Variants in LINGO2 observed in about 807,000 individuals in gnomAD.
LINGO2 encodes the protein leucine rich repeat and Ig domain containing 2.
In LINGO2, 14 loss-of-function variants were observed where a neutral mutation model predicts 30.6. The ratio of observed to expected loss-of-function variants is 0.46; its 90% CI spans 0.30 to 0.72. LINGO2 has a LOEUF of 0.72. Among genes scored for constraint, LINGO2 ranks in the 30% least tolerant of loss-of-function variants. LINGO2 has a pLI of 0.07. For synonymous variants in LINGO2, 317 were observed against 288.5 expected (o/e 1.10, Z -1.00); for missense variants, 729 against 751.7 (o/e 0.97, Z 0.35).
chr9:28,448,775 A>C (rs1049223512), intron 2 of LINGO2, among the ~76,000 whole-genome samples: 1 of 152,132 alleles, frequency 6.6e-6, no homozygotes, highest in Non-Finnish European at 1.5e-5. Context: ...AGGATTCTGC[A>C]TCTGGAGAAA....
chr9:29,114,019 C>T, the LINGO2 span, among the ~76,000 whole-genome samples: 2 of 151,484 alleles, frequency 1.3e-5, no homozygotes, highest in African/African-American at 4.8e-5. Flanking sequence ...TGCTCCTGCT[C>T]ATTCCTCTCA....
At chr9:28,715,174 T>C in the LINGO2 span, among the ~76,000 whole-genome samples, 8 of 152,196 alleles carry the variant, frequency 5.3e-5, no homozygotes, top group African/African-American at 9.6e-5. Flanking sequence ...GCTTTCAGTG[T>C]TCACTGTCTA....
chr9:28,049,877 T>TA (rs1824592998), intron 4 of LINGO2, among the ~76,000 whole-genome samples: 1 of 150,688 alleles, frequency 6.6e-6, no homozygotes, highest in African/African-American at 2.5e-5. Flanking sequence ...TGAAGATTTT[T>TA]AAATCAAGAG....
chr9:28,882,379 C>A, the LINGO2 span, among the ~76,000 whole-genome samples: 6 of 152,100 alleles, frequency 3.9e-5, no homozygotes, highest in African/African-American at 1.4e-4. Context: ...CCAGCTCTGC[C>A]ATTTGCTAGT....
chr9:28,067,095 C>T (rs1825335405), intron 4 of LINGO2, among the ~76,000 whole-genome samples: 1 of 151,982 alleles, frequency 6.6e-6, no homozygotes, highest in Non-Finnish European at 1.5e-5. Flanking sequence ...TTATTTTATG[C>T]CAGCACTCAA....
the LINGO2 span, among the ~76,000 whole-genome samples, chr9:29,135,516 C>A: frequency 6.6e-6 from 1 of 150,800 alleles, no homozygotes; most frequent in Non-Finnish European, 1.5e-5. Context: ...CGGGATTGCA[C>A]CACTGCACTC....
At chr9:28,838,419 G>T in the LINGO2 span, among the ~76,000 whole-genome samples, 235 of 152,016 alleles carry the variant, frequency 1.5e-3, no homozygotes, top group African/African-American at 5.5e-3. Flanking sequence ...AAATTTCTCA[G>T]TTTTAACTTT....
At chr9:28,604,743 G>C (rs973332255) in intron 1 of LINGO2, among the ~76,000 whole-genome samples, 2 of 151,696 alleles carry the variant, frequency 1.3e-5, no homozygotes, top group Non-Finnish European at 1.5e-5. Context: ...ATCTAGTTTG[G>C]CAAGTATGTA....
At chr9:28,137,915 T>C (rs1827563547) in intron 4 of LINGO2, among the ~76,000 whole-genome samples, 1 of 152,184 alleles carries the variant, frequency 6.6e-6, no homozygotes, top group Non-Finnish European at 1.5e-5. Context: ...TTCCATGAGT[T>C]ATACATTTTC....
At position 28,135,609 on chromosome 9, in the gene LINGO2, A is replaced by G. The variant is rs531880459; in HGVS notation, c.-86-123204T>C. On this transcript the variant is annotated intron_variant, in intron 4 of 5. Transcript: ENST00000379992. ...TGATGAATTCTAAAATGAAAGTCAA[A>G]CCTTGTATCACGGTCTGTTCTGTAT... Among the ~76,000 whole-genome samples, 3 of 152,074 alleles carry G rather than the reference A, an allele frequency of 2.0e-5. No homozygotes were observed. In the East Asian group the frequency reaches 5.8e-4, roughly 29 times the overall value.
the LINGO2 span, among the ~76,000 whole-genome samples, chr9:29,148,697 C>T: frequency 1.1e-4 from 17 of 152,228 alleles, no homozygotes; most frequent in East Asian, 1.9e-3. Context: ...TAATCATAAA[C>T]ATAAATACAG....
the LINGO2 span, among the ~76,000 whole-genome samples, chr9:28,684,239 G>A: frequency 7.8e-6 from 1 of 127,698 alleles, no homozygotes; most frequent in Non-Finnish European, 1.5e-5. Flanking sequence ...CCAGGCTGGA[G>A]TGCAGTGGTG....
chr9:29,153,061 C>T, the LINGO2 span, among the ~76,000 whole-genome samples: 2 of 151,978 alleles, frequency 1.3e-5, no homozygotes, highest in East Asian at 1.9e-4. Flanking sequence ...AATAAATATA[C>T]AGTGTTAAAA....
the LINGO2 span, among the ~76,000 whole-genome samples, chr9:28,814,613 C>T: frequency 1.3e-5 from 2 of 149,836 alleles, no homozygotes; most frequent in African/African-American, 4.9e-5. Flanking sequence ...GATGGCTGGG[C>T]GTGGTGGCTC....
chr9:28,589,810 T>A (rs966954435), intron 1 of LINGO2, among the ~76,000 whole-genome samples: 14 of 151,968 alleles, frequency 9.2e-5, no homozygotes, highest in African/African-American at 3.4e-4. Context: ...ACTTTAAAGT[T>A]CATATGGAAC....
chr9:28,926,347 C>T, the LINGO2 span, among the ~76,000 whole-genome samples: 7 of 151,998 alleles, frequency 4.6e-5, no homozygotes, highest in South Asian at 2.1e-4. Flanking sequence ...AGAAACCATT[C>T]GCTTCATAGA....
the LINGO2 span, among the ~76,000 whole-genome samples, chr9:29,026,730 T>C: frequency 6.6e-6 from 1 of 152,146 alleles, no homozygotes; most frequent in African/African-American, 2.4e-5. Context: ...CAGTATGGAA[T>C]AGTTTTGTAA....
At chr9:28,928,608 G>C in the LINGO2 span, among the ~76,000 whole-genome samples, 1 of 152,150 alleles carries the variant, frequency 6.6e-6, no homozygotes, top group East Asian at 1.9e-4. Flanking sequence ...TAAAAGTGGA[G>C]ATTTTCATTC....
the LINGO2 span, among the ~76,000 whole-genome samples, chr9:28,685,427 T>C: frequency 6.6e-6 from 1 of 152,200 alleles, no homozygotes; most frequent in African/African-American, 2.4e-5. Context: ...AGATGTACTT[T>C]GCAAGGTGAT....
Sources: gnomAD v4.1 joint callset for allele counts (sites outside exome capture counted in the v4.1 genomes callset) on GRCh38, gnomAD v4.1.1 for gene constraint, MANE v1.5 for transcripts, NCBI Gene and HGNC (gene_info 2026-07-23, HGNC 2026-07-21) for gene names.